RANBP2: variants seen among roughly 807,000 people sequenced by gnomAD.
RANBP2 encodes the protein RAN binding protein 2.
RANBP2 carries 57 observed loss-of-function variants against 303.6 expected under a neutral mutation model. The ratio of observed to expected loss-of-function variants is 0.19; its 90% CI spans 0.15 to 0.23. The LOEUF (loss-of-function observed/expected upper bound fraction) is 0.23, where lower values mean the gene tolerates loss of function less well. Ranked by LOEUF, RANBP2 falls within the 10% of genes least tolerant of loss-of-function variation. The pLI is 1.00. For synonymous variants in RANBP2, 1,167 were observed against 1,301.5 expected (o/e 0.90, Z 2.23); for missense variants, 3,138 against 3,780.8 (o/e 0.83, Z 4.46).
chr2:109,488,528 C>T, the RANBP2 span, among the ~76,000 whole-genome samples: 1 of 152,206 alleles, frequency 6.6e-6, no homozygotes, highest in Non-Finnish European at 1.5e-5. Flanking sequence ...ACATCGTGGC[C>T]TGAACAAGCC....
At chr2:109,585,655 G>A in the RANBP2 span, 69 of 1,064,170 alleles carry the variant, frequency 6.5e-5, no homozygotes, top group Non-Finnish European at 1.0e-4. Flanking sequence ...TTCTGCCCAT[G>A]ACAAGAATGA....
At chr2:109,522,066 A>C in the RANBP2 span, among the ~76,000 whole-genome samples, 1 of 152,104 alleles carries the variant, frequency 6.6e-6, no homozygotes, top group African/African-American at 2.4e-5. Flanking sequence ...TTTTGATAAA[A>C]CTGTTTTTCA....
chr2:109,178,623 A>G, the RANBP2 span, among the ~76,000 whole-genome samples: 2 of 152,212 alleles, frequency 1.3e-5, no homozygotes, highest in African/African-American at 2.4e-5. Context: ...TGAGACAGCA[A>G]GGCAGGGCAG....
the RANBP2 span, among the ~76,000 whole-genome samples, chr2:109,629,429 T>C: frequency 6.8e-6 from 1 of 147,894 alleles, no homozygotes; most frequent in Non-Finnish European, 1.5e-5. Flanking sequence ...CACCTTAATA[T>C]AACAATTAAC....
chr2:108,967,051 C>T, the RANBP2 span, among the ~76,000 whole-genome samples: 1 of 152,336 alleles, frequency 6.6e-6, no homozygotes, highest in East Asian at 1.9e-4. Context: ...TCTTCTGCCT[C>T]AGCCTCCCAA....
At chr2:109,661,430 T>A in the RANBP2 span, among the ~76,000 whole-genome samples, 1 of 152,084 alleles carries the variant, frequency 6.6e-6, no homozygotes, top group African/African-American at 2.4e-5. Flanking sequence ...GGATCTTTAG[T>A]AGAGACAGGG....
At chr2:109,389,872 G>A in the RANBP2 span, among the ~76,000 whole-genome samples, 1 of 152,194 alleles carries the variant, frequency 6.6e-6, no homozygotes, top group African/African-American at 2.4e-5. Context: ...CCTGGGCTGT[G>A]GCTGGGCCGG....
chr2:109,642,488 G>A, the RANBP2 span, among the ~76,000 whole-genome samples: 1 of 152,050 alleles, frequency 6.6e-6, no homozygotes, highest in Admixed American at 6.6e-5. Context: ...GGTGGCTCAC[G>A]CCTGTAATCC....
At chr2:109,736,238 G>A in the RANBP2 span, among the ~76,000 whole-genome samples, 1 of 152,008 alleles carries the variant, frequency 6.6e-6, no homozygotes, top group Admixed American at 6.6e-5. Flanking sequence ...TCTAGCCTCT[G>A]CACGCACTGC....
the RANBP2 span, among the ~76,000 whole-genome samples, chr2:109,575,686 G>T: frequency 6.6e-6 from 1 of 152,124 alleles, no homozygotes; most frequent in Non-Finnish European, 1.5e-5. Context: ...AACAAATCTG[G>T]GTTTCCAAGT....
the RANBP2 span, among the ~76,000 whole-genome samples, chr2:109,492,258 C>T: frequency 0.1 from 15,733 of 152,238 alleles, 1,228 homozygotes; most frequent in Admixed American, 0.23. Flanking sequence ...ACAACATTCA[C>T]AGCTCTAAGA....
At chr2:109,500,468 C>T in the RANBP2 span, among the ~76,000 whole-genome samples, 8 of 152,138 alleles carry the variant, frequency 5.3e-5, no homozygotes, top group African/African-American at 1.9e-4. Flanking sequence ...GTCTCTGATT[C>T]CACACTACAG....
At chr2:109,436,529 G>A in the RANBP2 span, among the ~76,000 whole-genome samples, 4 of 152,234 alleles carry the variant, frequency 2.6e-5, no homozygotes, top group Admixed American at 1.3e-4. Context: ...GATGTGTCAA[G>A]GCCTCGCGGG....
In RANBP2 at chr2:108,764,447, G is replaced by C. The variant is rs561666429; in HGVS notation, c.3908G>C (p.Ser1303Thr). Residue 1303 changes from serine to threonine, a missense_variant, in exon 20 of 29, where the codon AGC becomes ACC. By Grantham distance (58) the Ser-to-Thr change is moderately conservative. Around this residue, in one of 20 missense-constraint regions of RANBP2, gnomAD observed 388 missense variants for 328.5 expected, o/e 1.18. Transcript: ENST00000283195. ...LFKCKFEEAQ[S>T]ILKAPGTNVA... The stretch of plus-strand genomic sequence containing the variant: ...AAATGCAAGTTTGAAGAAGCCCAGA[G>C]CATTTTAAAAGCCCCAGGAACAAAT... 3.1e-6 allele frequency: 5 copies of C among 1,613,974 alleles called. No homozygotes were observed. In the South Asian group the frequency reaches 5.5e-5, roughly 18 times the overall value.
the RANBP2 span, among the ~76,000 whole-genome samples, chr2:109,306,101 C>A: frequency 6.6e-6 from 1 of 152,204 alleles, no homozygotes; most frequent in Non-Finnish European, 1.5e-5. Context: ...GTCTACCTCA[C>A]GCTAAAGTTG....
At chr2:109,273,452 G>T in the RANBP2 span, among the ~76,000 whole-genome samples, 1,968 of 152,336 alleles carry the variant, frequency 0.013, 31 homozygotes, top group African/African-American at 0.045. Flanking sequence ...GCGGGGCTGG[G>T]CGGAGGAGGG....
the RANBP2 span, among the ~76,000 whole-genome samples, chr2:109,378,354 A>G: frequency 2.0e-5 from 3 of 152,176 alleles, no homozygotes; most frequent in Admixed American, 1.3e-4. Context: ...TGGGAGAGGG[A>G]TGGAAGGATG....
chr2:108,862,127 T>C, the RANBP2 span, among the ~76,000 whole-genome samples: 3 of 150,582 alleles, frequency 2.0e-5, no homozygotes, highest in East Asian at 5.8e-4. Context: ...TGGTCAGTCA[T>C]AGAGTATGTT....
chr2:109,449,236 A>G, the RANBP2 span: 2 of 1,611,436 alleles, frequency 1.2e-6, no homozygotes, highest in Non-Finnish European at 1.7e-6. Flanking sequence ...CGCACCCAGA[A>G]CTCTCCATCC....
Sources: allele counts gnomAD v4.1 joint callset (sites outside exome capture counted in the v4.1 genomes callset), GRCh38; gene constraint gnomAD v4.1.1; regional missense constraint gnomAD v4.1.1; transcripts MANE v1.5; gene names NCBI Gene and HGNC (gene_info 2026-07-23, HGNC 2026-07-21).